Variants in UACA observed in about 807,000 individuals in gnomAD.
UACA encodes the protein uveal autoantigen with coiled-coil domains and ankyrin repeats.
In UACA, 112 loss-of-function variants were observed where a neutral mutation model predicts 160.5. The observed-to-expected ratio is 0.70, with a 90% CI of 0.60 to 0.82. The LOEUF (loss-of-function observed/expected upper bound fraction) is 0.82, where lower values mean the gene tolerates loss of function less well. Ranked by LOEUF, UACA falls within the 40% of genes least tolerant of loss-of-function variation. UACA has a pLI of 0.00. For missense variants in UACA, 1,574 were observed against 1,614.6 expected, an observed-to-expected ratio of 0.97 and a Z score of 0.43; for synonymous variants, 557 against 568.4, an observed-to-expected ratio of 0.98 and a Z score of 0.29.
chr15:70,703,969 C>A (rs1235409075), intron 1 of UACA, among the ~76,000 whole-genome samples: 2 of 152,116 alleles, frequency 1.3e-5, no homozygotes, highest in Non-Finnish European at 2.9e-5. Flanking sequence ...CCCACTCTAC[C>A]CCACCACTCT....
chr15:70,722,664 A>C (rs1183601152), intron 1 of UACA, among the ~76,000 whole-genome samples: 2 of 152,144 alleles, frequency 1.3e-5, no homozygotes, highest in Non-Finnish European at 1.5e-5. Context: ...CAATATCTAG[A>C]CATACATTAA....
At chr15:70,749,394 CG>C (rs1566999360) in intron 1 of UACA, 1 of 186,194 alleles carries the variant, frequency 5.4e-6, no homozygotes, top group African/African-American at 2.4e-5. Flanking sequence ...GGCGCGGTGG[CG>C]GGCGCCTGTA....
intron 13 of UACA, among the ~76,000 whole-genome samples, chr15:70,672,424 T>C (rs995013500): frequency 6.6e-6 from 1 of 152,092 alleles, no homozygotes; most frequent in African/African-American, 2.4e-5. Context: ...CTATGAAATA[T>C]CAACATAACC....
intron 1 of UACA, among the ~76,000 whole-genome samples, chr15:70,704,351 AG>A (rs1489428033): frequency 6.6e-6 from 1 of 152,210 alleles, no homozygotes; most frequent in Non-Finnish European, 1.5e-5. Flanking sequence ...GAGGGCAGTT[AG>A]CCCATGAGTG....
chr15:70,700,591 G>A (rs1255509251), intron 1 of UACA, among the ~76,000 whole-genome samples: 1 of 151,794 alleles, frequency 6.6e-6, no homozygotes, highest in Non-Finnish European at 1.5e-5. Context: ...TAAGAAGGAT[G>A]TCTCATATAA....
chr15:70,744,470 AATAGACT>A (rs1338451581), intron 1 of UACA, among the ~76,000 whole-genome samples: 1 of 152,082 alleles, frequency 6.6e-6, no homozygotes, highest in Non-Finnish European at 1.5e-5. Flanking sequence ...GTTATAAGAT[AATAGACT>A]ATAAACTTAT....
upstream of UACA, among the ~76,000 whole-genome samples, chr15:70,764,041 A>G (rs1595932523): frequency 2.0e-5 from 3 of 152,364 alleles, no homozygotes; most frequent in Admixed American, 2.0e-4. Flanking sequence ...ACACGCATCA[A>G]AAATTCCAGA....
At chr15:70,699,185 G>A (rs1898239445) in intron 2 of UACA, among the ~76,000 whole-genome samples, 1 of 152,070 alleles carries the variant, frequency 6.6e-6, no homozygotes, top group African/African-American at 2.4e-5. Flanking sequence ...TTTAACCTCT[G>A]CAAACTTTTT....
Position 70,682,743 on chromosome 15 carries a change from A to G in UACA, c.822+15T>C, listed in dbSNP as rs753534230. 1 of 1,505,878 alleles carries G rather than the reference A, an allele frequency of 6.6e-7. No individual in the cohort carries two copies. The highest frequency in any genetic ancestry group is 1.3e-5 in the South Asian group (1 of 75,410). 93.3% of individuals were successfully genotyped at this position (1,505,878 alleles called of 1,614,324 possible). On this transcript the variant is annotated intron_variant, in intron 9 of 18. Coordinates refer to ENST00000322954, the MANE Select transcript of UACA (RefSeq NM_018003.4). The stretch of plus-strand genomic sequence containing the variant: ...ACAATACATATAATTATTTAAAATT[A>G]AAATTAATATCTACCTGTTGCAAAG...
intron 1 of UACA, among the ~76,000 whole-genome samples, chr15:70,721,589 T>A (rs1457846878): frequency 6.6e-6 from 1 of 150,952 alleles, no homozygotes. Flanking sequence ...ATCACGCCAC[T>A]GCACTCCAGC....
chr15:70,738,769 AAC>A (rs1899443898), intron 1 of UACA, among the ~76,000 whole-genome samples: 1 of 152,228 alleles, frequency 6.6e-6, no homozygotes, highest in African/African-American at 2.4e-5. Flanking sequence ...GCAAAACTGA[AAC>A]AGTGATTTAA....
intron 2 of UACA, among the ~76,000 whole-genome samples, 172 bp from the exon 3 acceptor site, chr15:70,695,277 T>A (rs1898090234): frequency 6.6e-6 from 1 of 151,940 alleles, no homozygotes; most frequent in African/African-American, 2.4e-5. Flanking sequence ...AAGAAACCTA[T>A]CTCATTTACA....
chr15:70,671,219 C>T (rs1446835864), intron 14 of UACA, 128 bp from the exon 15 acceptor site: 1 of 561,298 alleles, frequency 1.8e-6, no homozygotes, highest in Non-Finnish European at 3.0e-6. Flanking sequence ...ACAAAAGTAT[C>T]CTCATTCTAA....
At chr15:70,717,973 C>T (rs1039964559) in intron 1 of UACA, among the ~76,000 whole-genome samples, 4 of 151,466 alleles carry the variant, frequency 2.6e-5, no homozygotes, top group African/African-American at 4.9e-5. Context: ...CTACAAATTT[C>T]AGATTTGCCA....
At chr15:70,684,721 CTACTTGAACACT>C (rs1229909985) in intron 7 of UACA, among the ~76,000 whole-genome samples, 20 of 150,672 alleles carry the variant, frequency 1.3e-4, no homozygotes, top group Non-Finnish European at 5.9e-5. Context: ...GTGTTCAACA[CTACTTGAACACT>C]TACTTGAACA....
chr15:70,685,900 G>A (rs986551478), intron 7 of UACA, among the ~76,000 whole-genome samples: 1 of 152,018 alleles, frequency 6.6e-6, no homozygotes, highest in African/African-American at 2.4e-5. Flanking sequence ...TCAGCCTCCT[G>A]AGTAGCTGGG....
chr15:70,663,835 C>G (rs754954590), intron 17 of UACA, among the ~76,000 whole-genome samples: 28 of 126,070 alleles, frequency 2.2e-4, no homozygotes, highest in Non-Finnish European at 4.0e-4. Flanking sequence ...CACATGGACA[C>G]AGGAAGGGGA....
At chr15:70,662,357 A>C (rs558089718) in intron 17 of UACA, among the ~76,000 whole-genome samples, 8 of 152,308 alleles carry the variant, frequency 5.3e-5, no homozygotes, top group Admixed American at 2.6e-4. Flanking sequence ...CAATGAAATA[A>C]AAGAGGATAC....
At chr15:70,695,576 G>A (rs1898099944) in intron 2 of UACA, among the ~76,000 whole-genome samples, 3 of 152,114 alleles carry the variant, frequency 2.0e-5, no homozygotes, top group South Asian at 4.1e-4. Context: ...AACCTGCTTA[G>A]AAAAGCCTTC....
Sources: gnomAD v4.1 joint callset for allele counts (sites outside exome capture counted in the v4.1 genomes callset) on GRCh38, gnomAD v4.1.1 for gene constraint, MANE v1.5 for transcripts, NCBI Gene and HGNC (gene_info 2026-07-23, HGNC 2026-07-21) for gene names.